The following UMODL1 variants were observed in gnomAD, a reference collection of about 807,000 sequenced individuals.
UMODL1 encodes the protein uromodulin-like 1.
Under a neutral mutation model 136.3 loss-of-function variants are expected in UMODL1, and 128 were observed. That is an observed-to-expected ratio of 0.94 (90% confidence interval 0.81 to 1.09). The LOEUF (loss-of-function observed/expected upper bound fraction) is 1.09, where lower values mean the gene tolerates loss of function less well. Ranked by LOEUF, UMODL1 falls within the 50% of genes least tolerant of loss-of-function variation. The pLI, the probability that UMODL1 is intolerant of heterozygous loss-of-function variation, is 0.00. For synonymous variants in UMODL1, 721 were observed against 720.0 expected (o/e 1.00, Z -0.02); for missense variants, 1,766 against 1,725.6 (o/e 1.02, Z -0.41).
rs547597265 is a variant in UMODL1, at chr21:42,104,440, TTTTTC to T, written c.1519+368_1519+372del. Among the ~76,000 whole-genome samples, 361 of 151,914 alleles carry T rather than the reference TTTTTC, an allele frequency of 2.4e-3. 4 individuals carry two copies. The highest frequency in any genetic ancestry group is 8.4e-3 in the African/African-American group (348 of 41,414). Reference sequence around the variant, plus strand: ...TTCTTTTTTTCTTTTCTTTTTTTTCTTTTTCTTTTCTTTTCTTTTTTTTTTTAAGA... The same window carrying T: ...TTCTTTTTTTCTTTTCTTTTTTTTCTTTTTCTTTTCTTTTTTTTTTTAAGA... On this transcript the variant is annotated intron_variant, in intron 9 of 22. Coordinates refer to ENST00000408910, the MANE Select transcript of UMODL1 (RefSeq NM_001004416.3).
chr21:42,139,215 C>T (rs115793566), intron 22 of UMODL1, among the ~76,000 whole-genome samples: 1,931 of 152,234 alleles, frequency 0.013, 57 homozygotes, highest in African/African-American at 0.044. Flanking sequence ...TATCTGGCAG[C>T]GTGTGAGACT....
rs775054628 is a variant in UMODL1, at chr21:42,121,229, TGTC to T, written c.2827+9_2827+11del. ...ATTCTGAGAGACCCTGTGAAGGTAATGTCGTCAGAGTTTCTTCTTCTGGAATAC... is the reference window on the plus strand; with the variant it reads ...ATTCTGAGAGACCCTGTGAAGGTAATGTCAGAGTTTCTTCTTCTGGAATAC... On this transcript the variant is annotated splice_donor_region_variant and intron_variant, in intron 16 of 22. Coordinates refer to ENST00000408910, the MANE Select transcript of UMODL1 (RefSeq NM_001004416.3). The T allele has an allele frequency of 5.0e-6, 8 of 1,607,292 alleles. 1 individual carries two copies. Among genetic ancestry groups the T allele is most frequent in the South Asian group, 4.5e-5 (4 of 89,768 alleles).
At chr21:42,110,444 T>C (rs1170456391) in intron 10 of UMODL1, among the ~76,000 whole-genome samples, 1 of 152,214 alleles carries the variant, frequency 6.6e-6, no homozygotes. Flanking sequence ...ATCCCACACC[T>C]TGTCTTCTGT....
Position 42,123,636 on chromosome 21 carries a change from CGT to C in UMODL1, c.3147+496_3147+497del, listed in dbSNP as rs1202857546. On this transcript the variant is annotated intron_variant, in intron 17 of 22. Transcript: ENST00000408910. This position sits in a 1 kb window ranked among gnomAD's most constrained non-coding sequence, Gnocchi z 4.4. ...GCATGGCTGTGCTTATATGTACGTG[CGT>C]GTGTGTGTGCATGTGTATCGCGTGC... Among the ~76,000 whole-genome samples the C allele has an allele frequency of 2.6e-5, 4 of 151,096 alleles. No individual in the cohort carries two copies. Among genetic ancestry groups the C allele is most frequent in the East Asian group, 1.9e-4 (1 of 5,154 alleles).
intron 2 of UMODL1, among the ~76,000 whole-genome samples, chr21:42,082,340 A>G (rs1034009222): frequency 6.6e-6 from 1 of 152,074 alleles, no homozygotes; most frequent in Non-Finnish European, 1.5e-5. Context: ...CGCTTGGCCA[A>G]TCCCACGAGT....
At chr21:42,064,852 G>A (rs1195473189) in intron 1 of UMODL1, among the ~76,000 whole-genome samples, 1 of 152,096 alleles carries the variant, frequency 6.6e-6, no homozygotes, top group Admixed American at 6.5e-5. Flanking sequence ...CAACATGCCC[G>A]GCCCACAAAT....
intron 1 of UMODL1, among the ~76,000 whole-genome samples, chr21:42,075,547 A>G (rs919952643): frequency 5.9e-5 from 9 of 152,172 alleles, no homozygotes; most frequent in Admixed American, 2.0e-4. Flanking sequence ...TTCACTTCCC[A>G]TGTGGCAACC....
At chr21:42,079,776 G>A (rs1016243596) in intron 2 of UMODL1, among the ~76,000 whole-genome samples, 2 of 152,242 alleles carry the variant, frequency 1.3e-5, no homozygotes, top group Admixed American at 1.3e-4. Context: ...CACAGTTCCA[G>A]GAAGGCAGGC....
At position 42,110,801 on chromosome 21, in the gene UMODL1, C is replaced by A. The variant is rs143866334; in HGVS notation, c.1658-79C>A. On this transcript the variant is annotated intron_variant, in intron 10 of 22. Transcript: ENST00000408910. ...CGGGATGCAGAGCAGTCCTGCTGGA[C>A]GGCCATGCTGCCCTCCTGGGAGGGC... 1.3e-5 allele frequency: 17 copies of A among 1,359,310 alleles called. No individual in the cohort carries two copies. The East Asian group carries it at 3.2e-4, about 25-fold the overall frequency. 84.2% of individuals were successfully genotyped at this position (1,359,310 alleles called of 1,614,324 possible).
chr21:42,127,381 G>A, intron 19 of UMODL1, 139 bp downstream of exon 19: 1 of 873,970 alleles, frequency 1.1e-6, no homozygotes, highest in Non-Finnish European at 1.8e-6. Context: ...CAGGAGTGCA[G>A]GCACCCCTGT....
intron 7 of UMODL1, among the ~76,000 whole-genome samples, chr21:42,100,516 C>T (rs528150041): frequency 1.3e-5 from 2 of 152,158 alleles, no homozygotes; most frequent in African/African-American, 2.4e-5. Context: ...CCACTGTGCA[C>T]GCGGCATCCC....
At chr21:42,091,578 T>C (rs1163552671) in intron 6 of UMODL1, among the ~76,000 whole-genome samples, 1 of 152,146 alleles carries the variant, frequency 6.6e-6, no homozygotes, top group Non-Finnish European at 1.5e-5. Flanking sequence ...TCCGGCAACA[T>C]TTTAGAGATA....
rs1555922532 is a variant in UMODL1, at chr21:42,095,089, G to GGTTTTTTTTTTTTTTTTTTTTTT, written c.932-3837_932-3836insGTTTTTTTTTTTTTTTTTTTTTT. Reference sequence around the variant, plus strand: ...CATCACTCCTTTGTTTTCTTCTGCTGTTTTTTTTTTTTTTTTTTTTTTTGA... The same window carrying GGTTTTTTTTTTTTTTTTTTTTTT: ...CATCACTCCTTTGTTTTCTTCTGCTGGTTTTTTTTTTTTTTTTTTTTTTTTTTTTTTTTTTTTTTTTTTTTTGA... On this transcript the variant is annotated intron_variant, in intron 6 of 22. Transcript: ENST00000408910. Among the ~76,000 whole-genome samples, 16 of 61,208 alleles carry GGTTTTTTTTTTTTTTTTTTTTTT rather than the reference G, an allele frequency of 2.6e-4. 2 individuals carry two copies. Among genetic ancestry groups the GGTTTTTTTTTTTTTTTTTTTTTT allele is most frequent in the South Asian group, 1.4e-3 (2 of 1,448 alleles). The allele number at this position is 61,208 out of a possible 152,430, so 40.2% of individuals were successfully genotyped here. A position where few individuals can be genotyped will look rare whatever the true frequency, so the allele number is the denominator to read the frequency against.
chr21:42,111,189 G>A lies in UMODL1; in HGVS notation c.1899+68G>A, dbSNP rs200737746. Reference sequence around the variant, plus strand: ...CCCAGCCAGGTGAACCCCAGCCAGGGGAGCCCCAGCCAGGGGAGCCTCAGA... The same window carrying A: ...CCCAGCCAGGTGAACCCCAGCCAGGAGAGCCCCAGCCAGGGGAGCCTCAGA... On this transcript the variant is annotated intron_variant, in intron 11 of 22. Transcript: ENST00000408910. 1,175 of 1,539,600 alleles carry A rather than the reference G, an allele frequency of 7.6e-4. 1 individual carries two copies. The highest frequency in any genetic ancestry group is 9.6e-4 in the Non-Finnish European group (1,100 of 1,142,852).
intron 7 of UMODL1, 36 bp from the exon 8 acceptor site, chr21:42,102,130 T>A (rs1381095352): frequency 1.3e-6 from 2 of 1,527,054 alleles, no homozygotes; most frequent in East Asian, 4.6e-5. Context: ...GTGTGACTTT[T>A]GACCACAGGC....
chr21:42,110,072 C>T (rs1057211145), intron 10 of UMODL1, among the ~76,000 whole-genome samples: 2 of 130,736 alleles, frequency 1.5e-5, no homozygotes, highest in Non-Finnish European at 3.3e-5. Context: ...GCCTGGAGCC[C>T]GAGAGGGTGT....
intron 16 of UMODL1, 32 bp downstream of exon 16, chr21:42,121,256 A>G (rs1339681366): frequency 6.3e-7 from 1 of 1,587,134 alleles, no homozygotes. Context: ...CTTCTGGAAT[A>G]CTGTATCATA....
chr21:42,102,687 G>C (rs1187723562), intron 8 of UMODL1: 1 of 154,344 alleles, frequency 6.5e-6, no homozygotes, highest in African/African-American at 2.4e-5. Flanking sequence ...GACAGCCAGG[G>C]AGAAGCAAGC....
chr21:42,118,764 G>A (rs1326449770), intron 14 of UMODL1, among the ~76,000 whole-genome samples: 1 of 152,202 alleles, frequency 6.6e-6, no homozygotes, highest in Non-Finnish European at 1.5e-5. Flanking sequence ...AGGAGTATTA[G>A]GTTCTAGAAG....
Sources: allele counts gnomAD v4.1 joint callset (sites outside exome capture counted in the v4.1 genomes callset), GRCh38; gene constraint gnomAD v4.1.1; non-coding constraint Gnocchi (gnomAD v3.1); transcripts MANE v1.5; gene names NCBI Gene and HGNC (gene_info 2026-07-23, HGNC 2026-07-21).